TLL2: variants seen among roughly 807,000 people sequenced by gnomAD.
The protein encoded by TLL2 is tolloid-like protein 2.
TLL2 carries 106 observed loss-of-function variants against 123.0 expected under a neutral mutation model. The ratio of observed to expected loss-of-function variants is 0.86; its 90% CI spans 0.74 to 1.01. The LOEUF (loss-of-function observed/expected upper bound fraction) is 1.01, where lower values mean the gene tolerates loss of function less well. TLL2 is among the 50% of genes least tolerant of loss of function. TLL2 has a pLI of 0.00. For missense variants in TLL2, 1,332 were observed against 1,336.7 expected (o/e 1.00, Z 0.06); for synonymous variants, 494 against 516.8 (o/e 0.96, Z 0.60).
intron 9 of TLL2, among the ~76,000 whole-genome samples, chr10:96,410,022 G>A (rs1035598657): frequency 1.3e-5 from 2 of 152,160 alleles, no homozygotes; most frequent in African/African-American, 4.8e-5. Context: ...CTGTGGGCTG[G>A]CTCCCCGTGT....
intron 2 of TLL2, among the ~76,000 whole-genome samples, chr10:96,469,728 C>G (rs1426272317): frequency 6.6e-6 from 1 of 152,254 alleles, no homozygotes. Flanking sequence ...AAAACACAAT[C>G]TCCTTAATGG....
Position 96,370,051 on chromosome 10 carries a change from T to G in TLL2, c.2913+14A>C. The G allele has an allele frequency of 6.4e-7, 1 of 1,558,632 alleles. No individual in the cohort carries two copies. The highest frequency in any genetic ancestry group is 2.3e-5 in the East Asian group (1 of 43,748). On this transcript the variant is annotated intron_variant, in intron 20 of 20. Transcript: ENST00000357947. Reference sequence around the variant, plus strand: ...ATCACACTCTGCCCCGGCCCCAGCGTCTCCGGGACTTACCCCAGAGCCACA... The same window carrying G: ...ATCACACTCTGCCCCGGCCCCAGCGGCTCCGGGACTTACCCCAGAGCCACA...
At position 96,420,843 on chromosome 10, in the gene TLL2, C is replaced by A. The variant is rs1201469852; in HGVS notation, c.923+113G>T. ...CCACTGTATTTCAAGGACAGACAGG[C>A]CAGCCGTGCTAGAAGCATGCAGAGA... is the stretch of plus-strand genomic sequence containing the variant. On this transcript the variant is annotated intron_variant, in intron 7 of 20. Coordinates refer to ENST00000357947, the MANE Select transcript of TLL2 (RefSeq NM_012465.4). 4.7e-6 allele frequency: 4 copies of A among 849,996 alleles called. No homozygotes were observed. In the East Asian group the frequency reaches 9.8e-5, roughly 21 times the overall value. The allele number at this position is 849,996 out of a possible 1,614,324, so 52.7% of individuals were successfully genotyped here.
chr10:96,493,593 T>A (rs951117577), intron 1 of TLL2, among the ~76,000 whole-genome samples: 2 of 151,952 alleles, frequency 1.3e-5, no homozygotes, highest in Non-Finnish European at 2.9e-5. Context: ...AGGCTCAGCA[T>A]GGGCAAAAAG....
chr10:96,480,213 A>T (rs1450310926), intron 2 of TLL2, 136 bp downstream of exon 2: 1 of 702,224 alleles, frequency 1.4e-6, no homozygotes, highest in Non-Finnish European at 2.5e-6. Context: ...AGGAGAAGTG[A>T]CCCCTCTGAT....
chr10:96,391,446 A>G (rs1846287233), intron 13 of TLL2, among the ~76,000 whole-genome samples: 1 of 152,210 alleles, frequency 6.6e-6, no homozygotes, highest in African/African-American at 2.4e-5. Context: ...AAAGGTGACC[A>G]GTGTCAGAAT....
At chr10:96,397,442 A>G (rs1846352973) in intron 10 of TLL2, 140 bp from the exon 11 acceptor site, 2 of 563,794 alleles carry the variant, frequency 3.5e-6, no homozygotes, top group Admixed American at 3.3e-5. Context: ...ATCCTGTAGC[A>G]CACACAGGAT....
Position 96,395,914 on chromosome 10 carries a change from T to C in TLL2, c.1491A>G (p.Ser497=). 1 of 1,614,224 alleles carries C rather than the reference T, an allele frequency of 6.2e-7. No individual in the cohort carries two copies. Among genetic ancestry groups the C allele is most frequent in the South Asian group, 1.1e-5 (1 of 91,084 alleles). The change falls in exon 12 of 21, where the codon TCA becomes TCG. Residue 497 remains serine, a synonymous_variant. Coordinates refer to ENST00000357947, the MANE Select transcript of TLL2 (RefSeq NM_012465.4). The part of the protein sequence containing the change: ...SKECVWRITV[S]EGFHVGLTFQ... ...AGGTAAGTCCCACGTGAAACCCCTC[T>C]GAAACCGTAATCCTCCAGACACATT... is the stretch of plus-strand genomic sequence containing the variant.
Position 96,365,339 on chromosome 10 carries a change from T to C in TLL2, c.*2749A>G, listed in dbSNP as rs767565391. The C allele has an allele frequency of 2.6e-5, 4 of 152,246 alleles. No homozygotes were observed. Among genetic ancestry groups the C allele is most frequent in the Non-Finnish European group, 5.9e-5 (4 of 68,046 alleles). 9.4% of individuals were successfully genotyped at this position (152,246 alleles called of 1,614,324 possible). A position where few individuals can be genotyped will look rare whatever the true frequency, so the allele number is the denominator to read the frequency against. ...TCAATGAACAGCCTCTCTTTCTCTG[T>C]TTGAAGAAATTCCACTGGCTAAAGT... On this transcript the variant is annotated 3_prime_UTR_variant, in exon 21 of 21. Transcript: ENST00000357947.
At chr10:96,469,033 C>T (rs901524844) in intron 2 of TLL2, among the ~76,000 whole-genome samples, 1 of 152,234 alleles carries the variant, frequency 6.6e-6, no homozygotes, top group African/African-American at 2.4e-5. Context: ...TCACTAAATT[C>T]AAAACTTCAT....
intron 18 of TLL2, 159 bp from the exon 19 acceptor site, chr10:96,373,968 T>G: frequency 1.6e-6 from 1 of 636,040 alleles, no homozygotes. Context: ...TGAGGACATC[T>G]GTAGAGAGGG....
At chr10:96,377,938 C>T (rs765965364) in intron 17 of TLL2, among the ~76,000 whole-genome samples, 8 of 152,214 alleles carry the variant, frequency 5.3e-5, no homozygotes, top group East Asian at 1.9e-4. Context: ...GGAGAGTTGA[C>T]GTCACTCCTG....
intron 13 of TLL2, among the ~76,000 whole-genome samples, chr10:96,391,950 C>G (rs939822592): frequency 6.6e-6 from 1 of 152,216 alleles, no homozygotes; most frequent in Non-Finnish European, 1.5e-5. Flanking sequence ...AAGTAGGACA[C>G]TGGGTAACCT....
intron 2 of TLL2, among the ~76,000 whole-genome samples, chr10:96,460,522 T>C (rs561827310): frequency 2.8e-4 from 43 of 152,290 alleles, no homozygotes; most frequent in Admixed American, 9.8e-4. Context: ...TGGGGTGTGA[T>C]TGGATCATGG....
intron 3 of TLL2, among the ~76,000 whole-genome samples, chr10:96,442,663 C>T (rs1427182172): frequency 6.6e-6 from 1 of 152,204 alleles, no homozygotes; most frequent in African/African-American, 2.4e-5. Context: ...TATCATCACC[C>T]TCCCTGAAAA....
At chr10:96,465,410 G>A (rs527478912) in intron 2 of TLL2, among the ~76,000 whole-genome samples, 2 of 152,298 alleles carry the variant, frequency 1.3e-5, no homozygotes, top group Admixed American at 6.5e-5. Context: ...ACCATCCCAT[G>A]CAAAACACTG....
intron 14 of TLL2, 127 bp from the exon 15 acceptor site, chr10:96,386,342 T>C: frequency 1.0e-6 from 1 of 963,350 alleles, no homozygotes; most frequent in Non-Finnish European, 1.5e-6. Flanking sequence ...TTGAACTGAT[T>C]AATTCAGTGT....
intron 13 of TLL2, among the ~76,000 whole-genome samples, chr10:96,389,247 T>C (rs1009563800): frequency 1.3e-5 from 2 of 152,172 alleles, no homozygotes; most frequent in African/African-American, 4.8e-5. Context: ...GTGAGAATGA[T>C]AATATTTACT....
At chr10:96,458,345 G>C (rs1380742712) in intron 2 of TLL2, among the ~76,000 whole-genome samples, 1 of 152,052 alleles carries the variant, frequency 6.6e-6, no homozygotes, top group Non-Finnish European at 1.5e-5. Flanking sequence ...CCAGCACTTT[G>C]GGAAGCCGAG....
Sources: allele counts gnomAD v4.1 joint callset (sites outside exome capture counted in the v4.1 genomes callset), GRCh38; gene constraint gnomAD v4.1.1; transcripts MANE v1.5; gene names NCBI Gene and HGNC (gene_info 2026-07-23, HGNC 2026-07-21).